The following COX7A2 variants were observed in gnomAD, a reference collection of about 807,000 sequenced individuals.
The protein encoded by COX7A2 is cytochrome c oxidase subunit 7A2, mitochondrial.
In COX7A2, 11 loss-of-function variants were observed where a neutral mutation model predicts 11.6. The observed-to-expected ratio is 0.95, with a 90% CI of 0.60 to 1.57. The LOEUF (loss-of-function observed/expected upper bound fraction) is 1.57, where lower values mean the gene tolerates loss of function less well. Ranked by LOEUF, COX7A2 falls within the 40% of genes most tolerant of loss-of-function variation. COX7A2 has a pLI of 0.00. For synonymous variants in COX7A2, 30 were observed against 38.2 expected (o/e 0.78, Z 0.79); for missense variants, 106 against 100.9 (o/e 1.05, Z -0.22).
intron 1 of COX7A2, 35 bp downstream of exon 1, chr6:75,243,682 C>T (rs767288207): frequency 1.3e-6 from 2 of 1,590,908 alleles, no homozygotes; most frequent in Non-Finnish European, 1.7e-6. Context: ...CACTCCCTCG[C>T]CCCCATCATG....
At chr6:75,247,272 C>T (rs1196408786), upstream of COX7A2, among the ~76,000 whole-genome samples, 1 of 152,004 alleles carries the variant, frequency 6.6e-6, no homozygotes, top group East Asian at 1.9e-4. Context: ...TTGATCCTGC[C>T]TATAGAATCG....
chr6:75,243,656 G>A, intron 1 of COX7A2, 61 bp downstream of exon 1: 1 of 1,523,736 alleles, frequency 6.6e-7, no homozygotes, highest in South Asian at 1.1e-5. Flanking sequence ...CTGTCGTGGT[G>A]CCTCAGCCTC....
chr6:75,240,765 C>T (rs62415684), intron 2 of COX7A2: 6 of 190,438 alleles, frequency 3.2e-5, no homozygotes, highest in Admixed American at 1.7e-4. Context: ...CTTTTTTTCC[C>T]TTAAAAAAGT....
chr6:75,240,393 T>TG lies in COX7A2; in HGVS notation c.109-9_109-8insC, dbSNP rs554727448. The TG allele has an allele frequency of 3.3e-6, 4 of 1,216,188 alleles. No homozygotes were observed. In the Admixed American group the frequency reaches 1.1e-4, roughly 32 times the overall value. The allele number at this position is 1,216,188 out of a possible 1,614,324, so 75.3% of individuals were successfully genotyped here. ...TGGAATTTCATCATCCTCCTAGATT[T>TG]AAAAAAAAAAAAAAAAGACAATAAT... On this transcript the variant is annotated splice_polypyrimidine_tract_variant and intron_variant, in intron 2 of 3. Coordinates refer to ENST00000684430, the MANE Select transcript of COX7A2 (RefSeq NM_001366293.2).
At chr6:75,247,002 A>G (rs1771693575), upstream of COX7A2, among the ~76,000 whole-genome samples, 1 of 152,168 alleles carries the variant, frequency 6.6e-6, no homozygotes, top group South Asian at 2.1e-4. Flanking sequence ...AAATTAGAAA[A>G]TGGTTCTTTC....
At position 75,239,775 on chromosome 6, in the gene COX7A2, T is replaced by C. The variant is rs111297506; in HGVS notation, c.193+526A>G. Among the ~76,000 whole-genome samples, 950 of 152,286 alleles carry C rather than the reference T, an allele frequency of 6.2e-3. 3 individuals carry two copies. The highest frequency in any genetic ancestry group is 9.2e-3 in the Non-Finnish European group (624 of 68,020). On this transcript the variant is annotated intron_variant, in intron 3 of 3. Transcript: ENST00000684430. ...TCAGAAAGCCAACTCTATCACAACA[T>C]AATCATCAAATCTTACTGGTGTTAT...
intron 1 of COX7A2, among the ~76,000 whole-genome samples, chr6:75,242,721 G>A (rs571935365): frequency 3.4e-4 from 52 of 151,824 alleles, no homozygotes; most frequent in African/African-American, 1.2e-3. Context: ...TTGGAAGGCT[G>A]AGGCAGCAGA....
intron 1 of COX7A2, among the ~76,000 whole-genome samples, chr6:75,248,857 T>C (rs953024539): frequency 1.3e-5 from 2 of 152,204 alleles, no homozygotes; most frequent in Non-Finnish European, 2.9e-5. Flanking sequence ...ATATCATACA[T>C]AACAGTAAAT....
chr6:75,240,126 G>A, intron 3 of COX7A2, 175 bp downstream of exon 3: 1 of 562,652 alleles, frequency 1.8e-6, no homozygotes, highest in Non-Finnish European at 3.1e-6. Flanking sequence ...ACATCACAAT[G>A]CTCTTATACA....
At chr6:75,242,882 A>C (rs917307317) in intron 1 of COX7A2, among the ~76,000 whole-genome samples, 5 of 152,052 alleles carry the variant, frequency 3.3e-5, no homozygotes, top group African/African-American at 9.7e-5. Context: ...AACAAAAAAA[A>C]CCCTATTACT....
At chr6:75,246,459 T>G (rs1255785236), upstream of COX7A2, among the ~76,000 whole-genome samples, 1 of 152,190 alleles carries the variant, frequency 6.6e-6, no homozygotes, top group East Asian at 1.9e-4. Flanking sequence ...CATCTCTTGT[T>G]CAGATTATGT....
At chr6:75,240,411 ACAATAAT>A in intron 2 of COX7A2, 26 bp from the exon 3 acceptor site, 2 of 1,235,878 alleles carry the variant, frequency 1.6e-6, no homozygotes, top group Non-Finnish European at 2.3e-6. Context: ...AAAAAAAAAG[ACAATAAT>A]AAATGTCTCA....
At chr6:75,248,036 G>A (rs1320563284), upstream of COX7A2, among the ~76,000 whole-genome samples, 1 of 149,888 alleles carries the variant, frequency 6.7e-6, no homozygotes, top group Admixed American at 6.6e-5. Flanking sequence ...GCAGTCCGCT[G>A]AGAGTTTCCT....
chr6:75,248,464 C>G (rs1461644897), upstream of COX7A2, among the ~76,000 whole-genome samples: 1 of 152,176 alleles, frequency 6.6e-6, no homozygotes, highest in East Asian at 1.9e-4. Context: ...AGTTGTCAAC[C>G]AGAAAATGTT....
At chr6:75,246,132 A>G (rs1022139894), upstream of COX7A2, among the ~76,000 whole-genome samples, 6 of 152,230 alleles carry the variant, frequency 3.9e-5, no homozygotes, top group African/African-American at 1.2e-4. Context: ...TTGTTTTAGG[A>G]AAGAAAAACT....
At chr6:75,242,734 C>T (rs1771549182) in intron 1 of COX7A2, among the ~76,000 whole-genome samples, 1 of 151,576 alleles carries the variant, frequency 6.6e-6, no homozygotes, top group South Asian at 2.1e-4. Context: ...GCAGCAGAAT[C>T]GCTTGAACCT....
intron 1 of COX7A2, among the ~76,000 whole-genome samples, chr6:75,243,373 C>T (rs886165207): frequency 1.3e-5 from 2 of 152,104 alleles, no homozygotes; most frequent in African/African-American, 4.8e-5. Flanking sequence ...TTCCGGGTGT[C>T]AGACACTCCC....
upstream of COX7A2, among the ~76,000 whole-genome samples, chr6:75,244,737 A>G (rs1395488909): frequency 6.6e-6 from 1 of 152,236 alleles, no homozygotes; most frequent in South Asian, 2.1e-4. Context: ...GATAAAAATT[A>G]GTAATATTAA....
At chr6:75,244,402 C>G (rs1288838845), upstream of COX7A2, among the ~76,000 whole-genome samples, 1 of 152,144 alleles carries the variant, frequency 6.6e-6, no homozygotes, top group East Asian at 1.9e-4. Flanking sequence ...GGAAGAGGCT[C>G]GCTCGCTTCT....
Sources: allele counts gnomAD v4.1 joint callset (sites outside exome capture counted in the v4.1 genomes callset), GRCh38; gene constraint gnomAD v4.1.1; transcripts MANE v1.5; gene names NCBI Gene and HGNC (gene_info 2026-07-23, HGNC 2026-07-21).